Variants in NFASC observed in about 807,000 individuals in gnomAD.
NFASC encodes the protein neurofascin.
In NFASC, 43 loss-of-function variants were observed where a neutral mutation model predicts 147.5. The observed-to-expected ratio is 0.29, with a 90% confidence interval of 0.23 to 0.38. NFASC has a LOEUF of 0.38. Among genes scored for constraint, NFASC ranks in the 10% least tolerant of loss-of-function variants. The pLI is 1.00. For missense variants in NFASC, 1,320 were observed against 1,689.0 expected, an observed-to-expected ratio of 0.78 and a Z score of 3.83; for synonymous variants, 622 against 665.5, an observed-to-expected ratio of 0.93 and a Z score of 1.01.
intron 16 of NFASC, 124 bp downstream of exon 16, chr1:204,976,919 G>T: frequency 6.8e-7 from 1 of 1,476,168 alleles, no homozygotes; most frequent in Non-Finnish European, 9.0e-7. Flanking sequence ...CAGGCGTGGT[G>T]ATCTCTTCTT....
At chr1:204,956,712 G>T (rs1032853855) in intron 7 of NFASC, among the ~76,000 whole-genome samples, 1 of 152,188 alleles carries the variant, frequency 6.6e-6, no homozygotes, top group Non-Finnish European at 1.5e-5. Context: ...AGTAAATCAG[G>T]AATGGTTTGA....
At chr1:204,878,957 T>G (rs1305260804) in intron 1 of NFASC, among the ~76,000 whole-genome samples, 1 of 152,198 alleles carries the variant, frequency 6.6e-6, no homozygotes, top group East Asian at 1.9e-4. Context: ...GCTTCCCTTT[T>G]GAAGAGCAAT....
At chr1:204,896,129 G>T (rs1401884060) in intron 1 of NFASC, among the ~76,000 whole-genome samples, 1 of 152,186 alleles carries the variant, frequency 6.6e-6, no homozygotes, top group Non-Finnish European at 1.5e-5. Flanking sequence ...GAGGAAGTGG[G>T]GTGCGGTAAT....
intron 25 of NFASC, 55 bp from the exon 26 acceptor site, chr1:205,001,115 A>G (rs4950976): frequency 0.25 from 251,307 of 1,022,228 alleles, 31,864 homozygotes; most frequent in South Asian, 0.29. Flanking sequence ...GTGTCTCCAT[A>G]TCTCTGGTGC....
At position 204,987,014 on chromosome 1, in the gene NFASC, A is replaced by C; in HGVS notation, c.2471-404A>C. 5.4e-6 allele frequency: 1 copy of C among 186,778 alleles called. No individual in the cohort carries two copies. The highest frequency in any genetic ancestry group is 1.5e-4 in the East Asian group (1 of 6,558). 11.6% of individuals were successfully genotyped at this position (186,778 alleles called of 1,614,324 possible). A position where few individuals can be genotyped will look rare whatever the true frequency, so the allele number is the denominator to read the frequency against. The stretch of plus-strand genomic sequence containing the variant: ...CCTGCTGCCTGGACCCAGTGATGAG[A>C]ATCCTTATCTGAGGATAGGGAACTG... On this transcript the variant is annotated intron_variant, in intron 21 of 29. Transcript: ENST00000339876. The surrounding 1 kb of genome is among the most constrained non-coding windows in gnomAD (Gnocchi z 4.4).
chr1:205,008,918 T>C, intron 27 of NFASC: 1 of 157,500 alleles, frequency 6.3e-6, no homozygotes, highest in Non-Finnish European at 1.4e-5. Context: ...ACACCAGGAT[T>C]GCCTTTGCTG....
intron 1 of NFASC, among the ~76,000 whole-genome samples, chr1:204,837,297 A>C (rs892826122): frequency 1.4e-4 from 22 of 152,232 alleles, no homozygotes; most frequent in African/African-American, 5.3e-4. Context: ...GGACCTGAAC[A>C]GTCAAAGATA....
At chr1:204,922,672 C>T (rs751419949) in intron 2 of NFASC, among the ~76,000 whole-genome samples, 32 of 152,262 alleles carry the variant, frequency 2.1e-4, no homozygotes, top group Middle Eastern at 3.4e-3. Flanking sequence ...CTGTTTTTCT[C>T]GCTGTGATAT....
At chr1:204,974,430 G>C in intron 13 of NFASC, 140 bp downstream of exon 13, 2 of 801,876 alleles carry the variant, frequency 2.5e-6, no homozygotes, top group Non-Finnish European at 4.1e-6. Flanking sequence ...CAGATCATCT[G>C]GATCAACCTC....
chr1:204,854,933 C>T (rs1318321830), intron 1 of NFASC, among the ~76,000 whole-genome samples: 11 of 152,262 alleles, frequency 7.2e-5, no homozygotes, highest in South Asian at 6.2e-4. Flanking sequence ...CAGCTCATCA[C>T]GCAGTGATTG....
chr1:204,852,829 G>C (rs1365991795), intron 1 of NFASC, among the ~76,000 whole-genome samples: 1 of 152,214 alleles, frequency 6.6e-6, no homozygotes, highest in Non-Finnish European at 1.5e-5. Flanking sequence ...GCCTCATCTG[G>C]GTGAGCTGGC....
Position 204,954,489 on chromosome 1 carries a change from G to C in NFASC, c.412+105G>C. ...GGGCTGCCCCTGCCCTTGGCCTGCAGTTGCCTTGGTGTTCTCTATGCATCT... is the reference window on the plus strand; with the variant it reads ...GGGCTGCCCCTGCCCTTGGCCTGCACTTGCCTTGGTGTTCTCTATGCATCT... On this transcript the variant is annotated intron_variant, in intron 6 of 29. Coordinates refer to ENST00000339876, the MANE Select transcript of NFASC (RefSeq NM_001005388.3). The surrounding 1 kb of genome is among the most constrained non-coding windows in gnomAD (Gnocchi z 5.7). 9.4e-7 allele frequency: 1 copy of C among 1,064,432 alleles called. No individual in the cohort carries two copies. The highest frequency in any genetic ancestry group is 1.4e-6 in the Non-Finnish European group (1 of 739,794). 65.9% of individuals were successfully genotyped at this position (1,064,432 alleles called of 1,614,324 possible). A position where few individuals can be genotyped will look rare whatever the true frequency, so the allele number is the denominator to read the frequency against.
chr1:204,990,331 T>G (rs979844489), intron 23 of NFASC: 13 of 152,188 alleles, frequency 8.5e-5, no homozygotes, highest in African/African-American at 3.1e-4. Context: ...CAGGCCATGA[T>G]GCACTTTCTT....
intron 1 of NFASC, among the ~76,000 whole-genome samples, chr1:204,885,051 CAA>C (rs1403890588): frequency 1.3e-5 from 2 of 151,854 alleles, no homozygotes. Context: ...CACGTGAGAC[CAA>C]GAGTTTGAGA....
At chr1:204,915,501 G>T (rs189576319) in intron 1 of NFASC, among the ~76,000 whole-genome samples, 1 of 152,302 alleles carries the variant, frequency 6.6e-6, no homozygotes, top group East Asian at 1.9e-4. Context: ...CAGGGTATGA[G>T]TGGAGCTTGG....
At position 205,010,452 on chromosome 1, in the gene NFASC, T is replaced by G. The variant is rs1361298785; in HGVS notation, c.3421+764T>G. On this transcript the variant is annotated intron_variant, in intron 28 of 29. Transcript: ENST00000339876. This position sits in a 1 kb window ranked among gnomAD's most constrained non-coding sequence, Gnocchi z 4.1. ...ACTAAATATACAAAAATTAGCTGGG[T>G]GTGGTGGCAGGTGTCGGAGGTCCCA... 2 of 151,458 alleles carry G rather than the reference T, an allele frequency of 1.3e-5. No homozygotes were observed. Among genetic ancestry groups the G allele is most frequent in the African/African-American group, 4.9e-5 (2 of 41,096 alleles). 9.4% of individuals were successfully genotyped at this position (151,458 alleles called of 1,614,324 possible). A position where few individuals can be genotyped will look rare whatever the true frequency, so the allele number is the denominator to read the frequency against.
chr1:204,909,098 G>A (rs2086717283), intron 1 of NFASC, among the ~76,000 whole-genome samples: 1 of 152,168 alleles, frequency 6.6e-6, no homozygotes, highest in Non-Finnish European at 1.5e-5. Context: ...TGGGATAAAT[G>A]CCCAGAGGTA....
At chr1:204,978,755 G>T (rs568425662) in intron 17 of NFASC, among the ~76,000 whole-genome samples, 11 of 121,352 alleles carry the variant, frequency 9.1e-5, no homozygotes, top group African/African-American at 1.8e-4. Flanking sequence ...TATTCTTTGT[G>T]GGGGGGGGCT....
intron 10 of NFASC, among the ~76,000 whole-genome samples, chr1:204,970,123 T>C (rs958792017): frequency 2.7e-5 from 4 of 149,556 alleles, no homozygotes; most frequent in African/African-American, 9.8e-5. Context: ...CAAAATTCAG[T>C]GCCTAAAGAA....
Sources: allele counts gnomAD v4.1 joint callset (sites outside exome capture counted in the v4.1 genomes callset), GRCh38; gene constraint gnomAD v4.1.1; non-coding constraint Gnocchi (gnomAD v3.1); transcripts MANE v1.5; gene names NCBI Gene and HGNC (gene_info 2026-07-23, HGNC 2026-07-21).